The following RIT2 variants were observed in gnomAD, a reference collection of about 807,000 sequenced individuals.
The protein encoded by RIT2 is GTP-binding protein Rit2.
Under a neutral mutation model 23.7 loss-of-function variants are expected in RIT2, and 24 were observed. That is an observed-to-expected ratio of 1.01 (90% CI 0.73 to 1.43). The LOEUF is 1.43. RIT2 is among the 40% of genes most tolerant of loss of function. The pLI is 0.00. For missense variants in RIT2, 236 were observed against 266.9 expected (o/e 0.88, Z 0.81); for synonymous variants, 107 against 91.1 (o/e 1.17, Z -0.99).
intron 3 of RIT2, among the ~76,000 whole-genome samples, chr18:42,968,409 A>C (rs1910287977): frequency 6.6e-6 from 1 of 152,210 alleles, no homozygotes; most frequent in African/African-American, 2.4e-5. Context: ...TCCTATTTGC[A>C]GTAATGTTAA....
rs574832093 is a variant in RIT2 at position 42,942,913 on chromosome 18, A to T, written c.235-19150T>A. On this transcript the variant is annotated intron_variant, in intron 3 of 4. Coordinates refer to ENST00000326695, the MANE Select transcript of RIT2 (RefSeq NM_002930.4). ...CATGTTGGTGATTGATGATGTTTGA[A>T]CTGCATGGTGCTAGTGTGTCCAGAG... is the stretch of plus-strand genomic sequence containing the variant. 4.1e-4 allele frequency among the ~76,000 whole-genome samples: 62 copies of T among 152,274 alleles called. No individual in the cohort carries two copies. The South Asian group carries it at 6.0e-3, about 15-fold the overall frequency.
At chr18:42,744,259 C>T (rs1263075791) in intron 4 of RIT2, among the ~76,000 whole-genome samples, 2 of 152,190 alleles carry the variant, frequency 1.3e-5, no homozygotes, top group Non-Finnish European at 2.9e-5. Flanking sequence ...TTATTGCTCA[C>T]ACAAAGCCTG....
chr18:42,858,042 A>G (rs1416925172), intron 4 of RIT2, among the ~76,000 whole-genome samples: 2 of 152,068 alleles, frequency 1.3e-5, no homozygotes, highest in African/African-American at 2.4e-5. Context: ...TTAGCTGGGC[A>G]TGGTGGCGCG....
intron 4 of RIT2, among the ~76,000 whole-genome samples, chr18:42,858,116 G>A (rs1907235205): frequency 6.6e-6 from 1 of 152,178 alleles, no homozygotes; most frequent in Non-Finnish European, 1.5e-5. Context: ...AGGAGGCGGA[G>A]GTTGCAGTGA....
At chr18:42,876,422 G>T (rs1301088060) in intron 4 of RIT2, among the ~76,000 whole-genome samples, 2 of 151,082 alleles carry the variant, frequency 1.3e-5, no homozygotes, top group Non-Finnish European at 3.0e-5. Flanking sequence ...TCATTTTTAG[G>T]GGAGTAGAAA....
chr18:43,087,030 A>C (rs1009767572), intron 1 of RIT2, among the ~76,000 whole-genome samples: 2 of 152,098 alleles, frequency 1.3e-5, no homozygotes, highest in East Asian at 3.9e-4. Flanking sequence ...CGGGTGAGTC[A>C]CTTGAGGCTA....
At chr18:42,893,899 A>G (rs541310287) in intron 4 of RIT2, among the ~76,000 whole-genome samples, 1 of 152,326 alleles carries the variant, frequency 6.6e-6, no homozygotes, top group East Asian at 1.9e-4. Flanking sequence ...AACTCACAAG[A>G]TTAAAACAAT....
At chr18:42,752,630 G>C (rs138001895) in intron 4 of RIT2, among the ~76,000 whole-genome samples, 232 of 152,164 alleles carry the variant, frequency 1.5e-3, no homozygotes, top group African/African-American at 5.2e-3. Flanking sequence ...ATATTTAGTT[G>C]ATTGTTCTGA....
chr18:42,862,400 C>G (rs1907353477), intron 4 of RIT2, among the ~76,000 whole-genome samples: 1 of 152,168 alleles, frequency 6.6e-6, no homozygotes, highest in Non-Finnish European at 1.5e-5. Flanking sequence ...ATAAATTACT[C>G]ACTCTCGGGT....
intron 1 of RIT2, among the ~76,000 whole-genome samples, chr18:43,089,366 C>G (rs1913364081): frequency 1.3e-5 from 2 of 151,832 alleles, no homozygotes; most frequent in Non-Finnish European, 2.9e-5. Context: ...ATACAGCTAA[C>G]CAGAAAGGTG....
intron 4 of RIT2, among the ~76,000 whole-genome samples, chr18:42,774,627 T>TC (rs1479505686): frequency 6.6e-6 from 1 of 151,774 alleles, no homozygotes; most frequent in Non-Finnish European, 1.5e-5. Flanking sequence ...ACTAGACTTT[T>TC]TTTTTTTTAA....
intron 2 of RIT2, among the ~76,000 whole-genome samples, chr18:43,001,068 T>A (rs1911093726): frequency 6.6e-6 from 1 of 152,106 alleles, no homozygotes; most frequent in Non-Finnish European, 1.5e-5. Context: ...TTCATTTCAT[T>A]CATCTATTTC....
intron 3 of RIT2, among the ~76,000 whole-genome samples, chr18:42,927,662 G>A (rs1909217572): frequency 1.3e-5 from 2 of 151,686 alleles, no homozygotes; most frequent in Non-Finnish European, 2.9e-5. Context: ...AATTATTCAG[G>A]AACATTACCA....
intron 4 of RIT2, among the ~76,000 whole-genome samples, chr18:42,770,278 C>T (rs533557004): frequency 6.6e-6 from 1 of 152,272 alleles, no homozygotes; most frequent in East Asian, 1.9e-4. Context: ...TCACACCATC[C>T]AGAGCCAGCA....
At chr18:42,960,248 A>C (rs888433376) in intron 3 of RIT2, among the ~76,000 whole-genome samples, 4 of 152,172 alleles carry the variant, frequency 2.6e-5, no homozygotes, top group African/African-American at 7.2e-5. Context: ...AGAGCATGTA[A>C]ACTTGAGAAG....
intron 1 of RIT2, among the ~76,000 whole-genome samples, chr18:43,093,558 A>G (rs1913475682): frequency 6.6e-6 from 1 of 152,016 alleles, no homozygotes; most frequent in Non-Finnish European, 1.5e-5. Flanking sequence ...AAACAGCCAC[A>G]TTTAAGTATA....
chr18:43,042,867 T>C (rs1912160754), intron 1 of RIT2, among the ~76,000 whole-genome samples: 1 of 152,184 alleles, frequency 6.6e-6, no homozygotes, highest in South Asian at 2.1e-4. Flanking sequence ...ATTATAGCAC[T>C]GTTATTAAAA....
intron 1 of RIT2, among the ~76,000 whole-genome samples, chr18:43,085,187 A>G (rs1404749433): frequency 6.6e-6 from 1 of 152,076 alleles, no homozygotes; most frequent in Non-Finnish European, 1.5e-5. Context: ...AAAAAGAAAA[A>G]TAAAAGTATT....
At chr18:42,856,827 C>CTTTTTTTTTTTTTTTT (rs756725926) in intron 4 of RIT2, among the ~76,000 whole-genome samples, 2 of 114,656 alleles carry the variant, frequency 1.7e-5, no homozygotes, top group Admixed American at 9.8e-5. Flanking sequence ...CTCTCTCTCT[C>CTTTTTTTTTTTTTTTT]TTTTTTTTTT....
Sources: allele counts gnomAD v4.1 joint callset (sites outside exome capture counted in the v4.1 genomes callset), GRCh38; gene constraint gnomAD v4.1.1; transcripts MANE v1.5; gene names NCBI Gene and HGNC (gene_info 2026-07-23, HGNC 2026-07-21).